Variants in SUZ12 observed in about 807,000 individuals in gnomAD.
SUZ12 encodes SUZ12 polycomb repressive complex 2 subunit.
A neutral mutation model predicts 87.3 loss-of-function variants in SUZ12; 17 were observed. The ratio of observed to expected loss-of-function variants is 0.19; its 90% CI spans 0.13 to 0.29. SUZ12 has a LOEUF of 0.29. Among genes scored for constraint, SUZ12 ranks in the 10% least tolerant of loss-of-function variants. SUZ12 has a pLI of 1.00. For synonymous variants in SUZ12, 253 were observed against 312.4 expected, an observed-to-expected ratio of 0.81 and a Z score of 2.01; for missense variants, 526 against 912.2, an observed-to-expected ratio of 0.58 and a Z score of 5.45.
intron 4 of SUZ12, among the ~76,000 whole-genome samples, chr17:31,962,899 GTAGGA>G (rs1181648402): frequency 1.3e-5 from 2 of 152,238 alleles, no homozygotes; most frequent in Non-Finnish European, 2.9e-5. Context: ...GCAACAAAGA[GTAGGA>G]TAGATTTGTT....
At chr17:31,966,852 T>C (rs1336622068) in intron 5 of SUZ12, 4 of 152,082 alleles carry the variant, frequency 2.6e-5, no homozygotes, top group Non-Finnish European at 5.9e-5. Flanking sequence ...CAGTAAAAGC[T>C]CAAAGCATGC....
intron 4 of SUZ12, among the ~76,000 whole-genome samples, chr17:31,964,330 C>T (rs1205714647): frequency 7.7e-6 from 1 of 129,842 alleles, no homozygotes; most frequent in Non-Finnish European, 1.5e-5. Context: ...CAGCCCCTAG[C>T]ATACTTTCTA....
chr17:32,000,575 A>G lies in SUZ12; in HGVS notation c.*1572A>G. 1 of 230,658 alleles carries G rather than the reference A, an allele frequency of 4.3e-6. No homozygotes were observed. Among genetic ancestry groups the G allele is most frequent in the East Asian group, 6.2e-5 (1 of 16,194 alleles). 14.3% of individuals were successfully genotyped at this position (230,658 alleles called of 1,614,324 possible). A position where few individuals can be genotyped will look rare whatever the true frequency, so the allele number is the denominator to read the frequency against. ...AGTAAACTCTGATTTTTGCCTCTGG[A>G]TAGTAGATCTCGAGCGTTTATCTCG... On this transcript the variant is annotated 3_prime_UTR_variant, in exon 16 of 16. Coordinates refer to ENST00000322652, the MANE Select transcript of SUZ12 (RefSeq NM_015355.4).
chr17:31,969,184 G>A (rs1567825041), intron 5 of SUZ12, among the ~76,000 whole-genome samples: 1 of 151,860 alleles, frequency 6.6e-6, no homozygotes, highest in Non-Finnish European at 1.5e-5. Flanking sequence ...CACTCTGGTT[G>A]CCCAGGCTGG....
At chr17:31,987,867 G>T (rs1410705991) in intron 9 of SUZ12, among the ~76,000 whole-genome samples, 5 of 152,108 alleles carry the variant, frequency 3.3e-5, no homozygotes, top group Non-Finnish European at 7.4e-5. Flanking sequence ...GAACCTGGGA[G>T]GGGGAGGTTG....
At chr17:31,946,199 TTTCTC>T (rs766538424) in intron 3 of SUZ12, among the ~76,000 whole-genome samples, 1 of 152,182 alleles carries the variant, frequency 6.6e-6, no homozygotes, top group Non-Finnish European at 1.5e-5. Flanking sequence ...TACATTAACA[TTTCTC>T]TACTGATAAT....
intron 1 of SUZ12, among the ~76,000 whole-genome samples, chr17:31,938,516 T>G (rs1039909726): frequency 1.3e-5 from 2 of 152,220 alleles, no homozygotes; most frequent in African/African-American, 4.8e-5. Flanking sequence ...CTCTCATTAG[T>G]GCTTCATGAA....
At chr17:31,957,535 C>T (rs1452213412) in intron 4 of SUZ12, among the ~76,000 whole-genome samples, 2 of 151,994 alleles carry the variant, frequency 1.3e-5, no homozygotes, top group Non-Finnish European at 2.9e-5. Flanking sequence ...CCTCAGCCTC[C>T]CGAGTAGCCG....
chr17:31,996,014 G>C (rs538293999), intron 14 of SUZ12, among the ~76,000 whole-genome samples: 1 of 152,124 alleles, frequency 6.6e-6, no homozygotes, highest in Non-Finnish European at 1.5e-5. Context: ...TTCAAGACCA[G>C]TCTGGACAGC....
intron 9 of SUZ12, among the ~76,000 whole-genome samples, chr17:31,986,908 G>A (rs1909451060): frequency 6.6e-6 from 1 of 152,144 alleles, no homozygotes; most frequent in Admixed American, 6.5e-5. Context: ...AAGGAGTTTA[G>A]GCCTCTGTGG....
intron 4 of SUZ12, among the ~76,000 whole-genome samples, chr17:31,956,635 C>G (rs1228432260): frequency 6.6e-6 from 1 of 152,134 alleles, no homozygotes; most frequent in African/African-American, 2.4e-5. Flanking sequence ...CGAGATATCA[C>G]CGAAAACCCT....
At chr17:31,974,345 G>C (rs148137884) in intron 6 of SUZ12, among the ~76,000 whole-genome samples, 292 of 152,300 alleles carry the variant, frequency 1.9e-3, no homozygotes, top group African/African-American at 6.3e-3. Context: ...GGCTAACACG[G>C]TGAAATCTCG....
intron 9 of SUZ12, among the ~76,000 whole-genome samples, chr17:31,987,234 AGT>A (rs1223344537): frequency 2.6e-5 from 4 of 152,222 alleles, no homozygotes; most frequent in African/African-American, 9.6e-5. Flanking sequence ...TGAGAAGGAA[AGT>A]GTTTTAGAAG....
intron 9 of SUZ12, among the ~76,000 whole-genome samples, chr17:31,987,159 T>C (rs892181464): frequency 6.6e-6 from 1 of 152,112 alleles, no homozygotes; most frequent in Non-Finnish European, 1.5e-5. Context: ...AGGAGTCAAA[T>C]ATAATTCCAA....
At chr17:31,965,220 T>A (rs1006359835) in intron 4 of SUZ12, among the ~76,000 whole-genome samples, 1 of 152,164 alleles carries the variant, frequency 6.6e-6, no homozygotes, top group African/African-American at 2.4e-5. Context: ...AAATGCCTTA[T>A]GTAAGGGATC....
chr17:31,980,102 C>A (rs1909008864), intron 8 of SUZ12, among the ~76,000 whole-genome samples: 1 of 151,642 alleles, frequency 6.6e-6, no homozygotes, highest in African/African-American at 2.4e-5. Flanking sequence ...GGCGGGAAGA[C>A]TATTTGAGCC....
Position 31,994,779 on chromosome 17 carries a change from G to T in SUZ12, c.1595+58G>T, listed in dbSNP as rs538115402. 37 of 1,550,772 alleles carry T rather than the reference G, an allele frequency of 2.4e-5. No individual in the cohort carries two copies. The African/African-American group carries it at 4.7e-4, about 20-fold the overall frequency. ...GCTCTGATTTTTACTGATGTTGGAG[G>T]AACAAAGGAGCCAGATGAAGCTACT... On this transcript the variant is annotated intron_variant, in intron 13 of 15. Coordinates refer to ENST00000322652, the MANE Select transcript of SUZ12 (RefSeq NM_015355.4).
intron 1 of SUZ12, among the ~76,000 whole-genome samples, chr17:31,939,628 A>G (rs1264483457): frequency 6.6e-5 from 10 of 151,298 alleles, no homozygotes; most frequent in Admixed American, 1.3e-4. Context: ...GGTTCAAGTG[A>G]TTCTCCTGCC....
Position 31,973,188 on chromosome 17 carries a change from C to A in SUZ12, c.548C>A (p.Thr183Asn). ...PNSENEQNSV[T>N]LEVLLVKVCH... ...TCAGAAAATGAACAAAATTCTGTTA[C>A]CCTGGAAGTCCTGCTTGTGAAAGTT... The change falls in exon 6 of 16, where the codon ACC (threonine) becomes AAC (asparagine). Residue 183 changes from threonine to asparagine, a missense_variant. By Grantham distance (65) the Thr-to-Asn change is moderately conservative (BLOSUM62 0). Coordinates refer to ENST00000322652, the MANE Select transcript of SUZ12 (RefSeq NM_015355.4). 3 of 1,557,610 alleles carry A rather than the reference C, an allele frequency of 1.9e-6. No individual in the cohort carries two copies. The highest frequency in any genetic ancestry group is 2.6e-6 in the Non-Finnish European group (3 of 1,155,412).
Sources: allele counts gnomAD v4.1 joint callset (sites outside exome capture counted in the v4.1 genomes callset), GRCh38; gene constraint gnomAD v4.1.1; transcripts MANE v1.5; gene names NCBI Gene and HGNC (gene_info 2026-07-23, HGNC 2026-07-21).